ANAPC1: variants seen among roughly 807,000 people sequenced by gnomAD.
ANAPC1 encodes the protein anaphase promoting complex subunit 1.
Under a neutral mutation model 208.0 loss-of-function variants are expected in ANAPC1, and 36 were observed. The ratio of observed to expected loss-of-function variants is 0.17; its 90% CI spans 0.13 to 0.23. The LOEUF (loss-of-function observed/expected upper bound fraction) is 0.23. Ranked by LOEUF, ANAPC1 falls within the 10% of genes least tolerant of loss-of-function variation. ANAPC1 has a pLI of 1.00. For missense variants in ANAPC1, 942 were observed against 2,011.6 expected (o/e 0.47, Z 10.17); for synonymous variants, 378 against 695.2 (o/e 0.54, Z 7.18).
At chr2:111,817,391 T>C (rs1453845901) in intron 27 of ANAPC1, among the ~76,000 whole-genome samples, 3 of 152,170 alleles carry the variant, frequency 2.0e-5, no homozygotes, top group African/African-American at 7.2e-5. Context: ...TTATATGAAA[T>C]CTTTCATATA....
intron 1 of ANAPC1, among the ~76,000 whole-genome samples, chr2:111,883,080 T>C (rs1683401594): frequency 6.7e-6 from 1 of 149,190 alleles, no homozygotes; most frequent in Non-Finnish European, 1.5e-5. Flanking sequence ...AGCAGAGAAT[T>C]GCTTGAACAC....
chr2:111,848,227 A>T (rs1026056373), intron 14 of ANAPC1, among the ~76,000 whole-genome samples: 2 of 152,176 alleles, frequency 1.3e-5, no homozygotes, highest in African/African-American at 4.8e-5. Context: ...AAGGTAGGTA[A>T]AAGGAAAACA....
chr2:111,829,227 T>C (rs894468894), intron 21 of ANAPC1, among the ~76,000 whole-genome samples: 4 of 151,934 alleles, frequency 2.6e-5, no homozygotes, highest in African/African-American at 7.3e-5. Context: ...ACAATAATAA[T>C]AACAATTTCA....
At chr2:111,794,788 G>A (rs1322216231) in intron 35 of ANAPC1, 30 bp downstream of exon 35, 1 of 1,018,382 alleles carries the variant, frequency 9.8e-7, no homozygotes, top group Non-Finnish European at 1.5e-6. Flanking sequence ...TAGACGCTAG[G>A]ATAGCTAATT....
At chr2:111,851,351 C>A (rs1681385182) in intron 13 of ANAPC1, among the ~76,000 whole-genome samples, 1 of 152,172 alleles carries the variant, frequency 6.6e-6, no homozygotes, top group African/African-American at 2.4e-5. Flanking sequence ...CATCTGCCCA[C>A]CTAGACCTCT....
At position 111,855,072 on chromosome 2, in the gene ANAPC1, T is replaced by A. The variant is rs10170064; in HGVS notation, c.1515+1542A>T. Among the ~76,000 whole-genome samples, 3 of 152,054 alleles carry A rather than the reference T, an allele frequency of 2.0e-5. No individual in the cohort carries two copies. The East Asian group carries it at 5.8e-4, about 29-fold the overall frequency. On this transcript the variant is annotated intron_variant, in intron 13 of 47. Transcript: ENST00000341068. ...TGATTCTTCCCTTCATTTGAAAACTTAGAGGCCATTAGAGGGTTACTAATT... is the reference window on the plus strand; with the variant it reads ...TGATTCTTCCCTTCATTTGAAAACTAAGAGGCCATTAGAGGGTTACTAATT...
chr2:111,776,175 T>C (rs1159954320), intron 46 of ANAPC1, among the ~76,000 whole-genome samples: 1 of 151,444 alleles, frequency 6.6e-6, no homozygotes, highest in Non-Finnish European at 1.5e-5. Flanking sequence ...CTGTCAGATA[T>C]TTACTGGGAG....
chr2:111,794,449 T>C (rs1473145781), intron 35 of ANAPC1, 126 bp from the exon 36 acceptor site: 5 of 685,310 alleles, frequency 7.3e-6, no homozygotes, highest in Non-Finnish European at 1.2e-5. Flanking sequence ...TGAAGTGCCC[T>C]CAGTCAGCAG....
At chr2:111,837,661 T>C (rs1270925537) in intron 18 of ANAPC1, among the ~76,000 whole-genome samples, 1 of 151,986 alleles carries the variant, frequency 6.6e-6, no homozygotes, top group Non-Finnish European at 1.5e-5. Flanking sequence ...AAAAATATTG[T>C]GTGTCTTTAT....
At chr2:111,791,619 A>C (rs1159153529) in intron 38 of ANAPC1, among the ~76,000 whole-genome samples, 1 of 151,596 alleles carries the variant, frequency 6.6e-6, no homozygotes. Flanking sequence ...TGAATCTTAC[A>C]AACATAATGT....
At chr2:111,774,981 A>G (rs1676928716) in intron 46 of ANAPC1, among the ~76,000 whole-genome samples, 1 of 152,070 alleles carries the variant, frequency 6.6e-6, no homozygotes, top group African/African-American at 2.4e-5. Context: ...CAAAACATTT[A>G]TATAGGCCAG....
chr2:111,829,340 G>A (rs975811985), intron 21 of ANAPC1, among the ~76,000 whole-genome samples: 2 of 152,106 alleles, frequency 1.3e-5, no homozygotes, highest in Non-Finnish European at 2.9e-5. Flanking sequence ...CCATGGGGGG[G>A]ACTGTGAAGC....
At chr2:111,798,694 TA>T (rs760025506) in intron 34 of ANAPC1, among the ~76,000 whole-genome samples, 1 of 152,036 alleles carries the variant, frequency 6.6e-6, no homozygotes, top group Non-Finnish European at 1.5e-5. Flanking sequence ...AAATTATTAC[TA>T]AGAAAATGAA....
intron 10 of ANAPC1, among the ~76,000 whole-genome samples, chr2:111,860,647 GTTC>G (rs1295558059): frequency 6.6e-6 from 1 of 150,944 alleles, no homozygotes; most frequent in Non-Finnish European, 1.5e-5. Flanking sequence ...TTCTTGAAAT[GTTC>G]TTTTTTGTAT....
intron 16 of ANAPC1, 152 bp from the exon 17 acceptor site, chr2:111,843,751 C>T (rs989212565): frequency 5.3e-6 from 3 of 569,578 alleles, no homozygotes; most frequent in Admixed American, 3.4e-5. Flanking sequence ...GCAAACATTA[C>T]CTAACCAATC....
At chr2:111,791,477 C>A (rs1677871445) in intron 38 of ANAPC1, among the ~76,000 whole-genome samples, 1 of 151,664 alleles carries the variant, frequency 6.6e-6, no homozygotes, top group Non-Finnish European at 1.5e-5. Context: ...CCTAACAGCA[C>A]TGTTCATAAC....
intron 21 of ANAPC1, 105 bp downstream of exon 21, chr2:111,831,181 A>G: frequency 8.7e-7 from 1 of 1,153,494 alleles, no homozygotes. Context: ...ACACGTACTG[A>G]AATTCACAGA....
chr2:111,869,198 G>A (rs1682600925), intron 6 of ANAPC1, among the ~76,000 whole-genome samples: 2 of 152,110 alleles, frequency 1.3e-5, no homozygotes, highest in South Asian at 4.1e-4. Context: ...CTAATGATCT[G>A]CTCAAAGCAG....
In ANAPC1 at chr2:111,785,485, CA is replaced by C; in HGVS notation, c.4800-9del. On this transcript the variant is annotated splice_polypyrimidine_tract_variant and intron_variant, in intron 39 of 47. Coordinates refer to ENST00000341068, the MANE Select transcript of ANAPC1 (RefSeq NM_022662.4). ...AGAGCCTGGAGATGATACCTGTTCA[CA>C]AAAAAGACAGAGAGTGGGTAACAAA... 1.0e-5 allele frequency: 8 copies of C among 781,344 alleles called. No homozygotes were observed. The highest frequency in any genetic ancestry group is 1.5e-5 in the Non-Finnish European group (7 of 459,630). 48.4% of individuals were successfully genotyped at this position (781,344 alleles called of 1,614,324 possible).
Sources: gnomAD v4.1 joint callset for allele counts (sites outside exome capture counted in the v4.1 genomes callset) on GRCh38, gnomAD v4.1.1 for gene constraint, MANE v1.5 for transcripts, NCBI Gene and HGNC (gene_info 2026-07-23, HGNC 2026-07-21) for gene names.